COA1: variants seen among roughly 807,000 people sequenced by gnomAD.
COA1 encodes cytochrome c oxidase assembly factor 1 homolog.
In COA1, 13 loss-of-function variants were observed where a neutral mutation model predicts 16.0. The observed-to-expected ratio is 0.81, with a 90% confidence interval of 0.53 to 1.29. The LOEUF (loss-of-function observed/expected upper bound fraction) is 1.29, where lower values mean the gene tolerates loss of function less well. Among genes scored for constraint, COA1 ranks in the 50% most tolerant of loss-of-function variants. The probability of loss-of-function intolerance (pLI) is 0.00; values close to 1 mark genes in which losing one functional copy is unlikely to be tolerated. For missense variants in COA1, 179 were observed against 177.0 expected (o/e 1.01, Z -0.06); for synonymous variants, 65 against 65.7 (o/e 0.99, Z 0.05).
chr7:43,640,769 G>C (rs1160464481), intron 4 of COA1, 120 bp from the exon 5 acceptor site: 1 of 703,518 alleles, frequency 1.4e-6, no homozygotes. Context: ...CTCCACAGAA[G>C]TGAGTTCTTT....
intron 1 of COA1, among the ~76,000 whole-genome samples, chr7:43,665,396 T>C (rs555276119): frequency 6.6e-6 from 1 of 152,330 alleles, no homozygotes; most frequent in South Asian, 2.1e-4. Context: ...TACTATTCCA[T>C]GCTTTAAAGA....
intron 6 of COA1, among the ~76,000 whole-genome samples, chr7:43,630,404 T>C (rs563928814): frequency 4.6e-5 from 7 of 152,304 alleles, no homozygotes; most frequent in African/African-American, 1.7e-4. Context: ...TTCAATACAT[T>C]GTGATGGGTT....
chr7:43,653,937 CA>C lies in COA1; in HGVS notation c.-38-5286del, dbSNP rs568741023. On this transcript the variant is annotated intron_variant, in intron 1 of 5. Coordinates refer to ENST00000223336, the MANE Select transcript of COA1 (RefSeq NM_018224.4). ...AAGCTACCACTTCCTGATATGACTT[CA>C]GAAATTCCATTTAAAATACCTATAA... Among the ~76,000 whole-genome samples, 11 of 152,148 alleles carry C rather than the reference CA, an allele frequency of 7.2e-5. No homozygotes were observed. The East Asian group carries it at 1.2e-3, about 16-fold the overall frequency.
downstream of COA1, among the ~76,000 whole-genome samples, chr7:43,636,692 A>G (rs1249371205): frequency 6.6e-6 from 1 of 152,232 alleles, no homozygotes; most frequent in East Asian, 1.9e-4. Context: ...ATAAAACCTT[A>G]TCAGGTATTA....
chr7:43,725,225 C>T (rs988825299), intron 1 of COA1, among the ~76,000 whole-genome samples: 2 of 147,344 alleles, frequency 1.4e-5, no homozygotes, highest in African/African-American at 2.5e-5. Flanking sequence ...GCAACATGAA[C>T]GAAACTCCAT....
chr7:43,695,136 C>T (rs2094489715), intron 1 of COA1, among the ~76,000 whole-genome samples: 1 of 152,178 alleles, frequency 6.6e-6, no homozygotes, highest in Non-Finnish European at 1.5e-5. Flanking sequence ...AGCGTCCTGA[C>T]AAACCTCCTG....
intron 5 of COA1, among the ~76,000 whole-genome samples, chr7:43,640,261 T>C (rs910496510): frequency 1.1e-4 from 16 of 152,158 alleles, no homozygotes; most frequent in Admixed American, 2.0e-4. Context: ...TTTATAACAA[T>C]TGAGGCAGTC....
At chr7:43,710,534 T>C (rs1025231270) in intron 1 of COA1, among the ~76,000 whole-genome samples, 4 of 151,670 alleles carry the variant, frequency 2.6e-5, no homozygotes, top group African/African-American at 7.3e-5. Context: ...AGGTGAAGAA[T>C]AGAAAAGATT....
chr7:43,714,409 C>A (rs1254674692), intron 1 of COA1, among the ~76,000 whole-genome samples: 1 of 151,784 alleles, frequency 6.6e-6, no homozygotes, highest in African/African-American at 2.4e-5. Context: ...GGGTGGATTG[C>A]CTGAGGTCAG....
At chr7:43,683,248 G>T (rs1017184912) in intron 1 of COA1, among the ~76,000 whole-genome samples, 1 of 151,812 alleles carries the variant, frequency 6.6e-6, no homozygotes, top group South Asian at 2.1e-4. Flanking sequence ...ATATAGTTGT[G>T]TTTTTTTTCC....
intron 6 of COA1, chr7:43,623,516 C>A: frequency 1.3e-6 from 2 of 1,500,448 alleles, no homozygotes; most frequent in Non-Finnish European, 1.8e-6. Context: ...TCTCTTAGAG[C>A]AAATTAGGAA....
At chr7:43,664,120 A>AGAGAGAGG (rs1162568462) in intron 1 of COA1, among the ~76,000 whole-genome samples, 2 of 151,664 alleles carry the variant, frequency 1.3e-5, no homozygotes, top group Non-Finnish European at 2.9e-5. Flanking sequence ...AGAGAGAGAG[A>AGAGAGAGG]GAGAGAGAGA....
chr7:43,712,589 G>A (rs1489998751), intron 1 of COA1, among the ~76,000 whole-genome samples: 1 of 152,192 alleles, frequency 6.6e-6, no homozygotes, highest in African/African-American at 2.4e-5. Flanking sequence ...GGGCCCCAGT[G>A]TGGGTATATT....
At chr7:43,627,328 T>G (rs1418870128) in intron 6 of COA1, among the ~76,000 whole-genome samples, 3 of 152,232 alleles carry the variant, frequency 2.0e-5, no homozygotes, top group African/African-American at 7.2e-5. Flanking sequence ...CTTAAATTTT[T>G]CCAGCTAACC....
intron 1 of COA1, among the ~76,000 whole-genome samples, chr7:43,691,054 C>CAAAA (rs1173049196): frequency 4.2e-3 from 168 of 39,552 alleles, no homozygotes; most frequent in Non-Finnish European, 5.3e-3. Flanking sequence ...CTCATCACTA[C>CAAAA]AAAAAAAAAA....
intron 1 of COA1, among the ~76,000 whole-genome samples, chr7:43,657,695 A>ATG (rs2091922687): frequency 6.6e-6 from 1 of 152,216 alleles, no homozygotes; most frequent in Non-Finnish European, 1.5e-5. Context: ...TTAAAAAAAA[A>ATG]ATAGGGTGTT....
intron 1 of COA1, among the ~76,000 whole-genome samples, chr7:43,711,184 G>GA (rs558741324): frequency 1.3e-5 from 2 of 151,896 alleles, no homozygotes; most frequent in South Asian, 4.1e-4. Context: ...AAAGGCTCAT[G>GA]AAAAAATAAG....
At chr7:43,693,812 T>C (rs573430681) in intron 1 of COA1, among the ~76,000 whole-genome samples, 2 of 152,130 alleles carry the variant, frequency 1.3e-5, no homozygotes, top group South Asian at 2.1e-4. Context: ...AACAAGTGAA[T>C]TTGGCTGGAG....
intron 1 of COA1, among the ~76,000 whole-genome samples, chr7:43,696,380 A>G (rs1229607439): frequency 6.6e-6 from 1 of 152,202 alleles, no homozygotes; most frequent in South Asian, 2.1e-4. Context: ...GCGGAATATT[A>G]TAATTCAAGG....
Sources: allele counts gnomAD v4.1 joint callset (sites outside exome capture counted in the v4.1 genomes callset), GRCh38; gene constraint gnomAD v4.1.1; transcripts MANE v1.5; gene names NCBI Gene and HGNC (gene_info 2026-07-23, HGNC 2026-07-21).